SAMTOR: variants seen among roughly 807,000 people sequenced by gnomAD.
SAMTOR encodes S-adenosylmethionine sensor upstream of mTORC1, also known as UPF0532 protein C7orf60.
At chr7:112,854,328 C>T in the SAMTOR span, among the ~76,000 whole-genome samples, 3 of 152,072 alleles carry the variant, frequency 2.0e-5, no homozygotes, top group African/African-American at 7.2e-5. Flanking sequence ...AACAGCTTCT[C>T]CTCTGTGTTT....
chr7:112,880,059 TCTGA>T, the SAMTOR span, among the ~76,000 whole-genome samples: 9 of 152,306 alleles, frequency 5.9e-5, no homozygotes, highest in African/African-American at 1.4e-4. Flanking sequence ...ATGCTGTACC[TCTGA>T]CTAAGGAAAC....
the SAMTOR span, among the ~76,000 whole-genome samples, chr7:112,870,172 T>C: frequency 1.1e-4 from 17 of 152,120 alleles, no homozygotes; most frequent in Middle Eastern, 3.4e-3. Flanking sequence ...GGTAGAGAGG[T>C]TGACATACAG....
the SAMTOR span, among the ~76,000 whole-genome samples, chr7:112,878,597 G>A: frequency 2.0e-5 from 3 of 152,120 alleles, no homozygotes; most frequent in African/African-American, 7.2e-5. Context: ...AATTATCCTG[G>A]TGAAGGGAAT....
At chr7:112,855,055 C>G in the SAMTOR span, among the ~76,000 whole-genome samples, 1 of 152,144 alleles carries the variant, frequency 6.6e-6, no homozygotes, top group Non-Finnish European at 1.5e-5. Context: ...TCAGTAGGTA[C>G]TACTACTCTC....
the SAMTOR span, among the ~76,000 whole-genome samples, chr7:112,890,080 T>C: frequency 2.0e-5 from 3 of 151,868 alleles, no homozygotes; most frequent in Non-Finnish European, 4.4e-5. Context: ...GAGATAGATA[T>C]AGAGGAGTTA....
chr7:112,915,681 T>C, the SAMTOR span, among the ~76,000 whole-genome samples: 1 of 152,228 alleles, frequency 6.6e-6, no homozygotes, highest in Non-Finnish European at 1.5e-5. Context: ...AAGGGATGCA[T>C]CATTTTAATT....
chr7:112,893,944 G>T, the SAMTOR span, among the ~76,000 whole-genome samples: 11 of 152,198 alleles, frequency 7.2e-5, no homozygotes, highest in Non-Finnish European at 1.5e-4. Context: ...CTTTTCCTTT[G>T]AATTCACAAC....
At chr7:112,915,245 A>T in the SAMTOR span, 3 of 1,507,206 alleles carry the variant, frequency 2.0e-6, no homozygotes, top group Non-Finnish European at 2.7e-6. Flanking sequence ...TCAGGAAAAA[A>T]AAAAAAGAAG....
the SAMTOR span, among the ~76,000 whole-genome samples, chr7:112,876,294 T>C: frequency 6.6e-6 from 1 of 152,196 alleles, no homozygotes; most frequent in Non-Finnish European, 1.5e-5. Flanking sequence ...TTTCTGATTT[T>C]TGAACGTGTT....
the SAMTOR span, among the ~76,000 whole-genome samples, chr7:112,926,012 G>A: frequency 6.6e-6 from 1 of 152,116 alleles, no homozygotes; most frequent in Non-Finnish European, 1.5e-5. Flanking sequence ...GGGAGGCCAC[G>A]GCATTTATCT....
At chr7:112,892,882 C>T in the SAMTOR span, among the ~76,000 whole-genome samples, 2 of 152,226 alleles carry the variant, frequency 1.3e-5, no homozygotes, top group South Asian at 2.1e-4. Flanking sequence ...TTCATCTCCT[C>T]GTACATATAT....
At chr7:112,907,506 C>T in the SAMTOR span, among the ~76,000 whole-genome samples, 4 of 151,876 alleles carry the variant, frequency 2.6e-5, no homozygotes, top group South Asian at 8.3e-4. Context: ...CATCTAACTA[C>T]ACAAAAGCAA....
At chr7:112,831,138 A>G in the SAMTOR span, among the ~76,000 whole-genome samples, 1 of 152,224 alleles carries the variant, frequency 6.6e-6, no homozygotes, top group African/African-American at 2.4e-5. Context: ...TCTAATCCAT[A>G]CTTTAAAAAT....
the SAMTOR span, among the ~76,000 whole-genome samples, chr7:112,838,850 C>G: frequency 1.3e-5 from 2 of 151,514 alleles, no homozygotes; most frequent in South Asian, 2.1e-4. Flanking sequence ...AAGAGCTGAG[C>G]AAATAGCAAA....
chr7:112,913,049 A>G, the SAMTOR span, among the ~76,000 whole-genome samples: 1 of 152,168 alleles, frequency 6.6e-6, no homozygotes, highest in African/African-American at 2.4e-5. Flanking sequence ...GTTACAGGGG[A>G]ACTATTTGGT....
chr7:112,939,425 G>A, the SAMTOR span: 2 of 1,060,866 alleles, frequency 1.9e-6, no homozygotes, highest in Non-Finnish European at 2.7e-6. Context: ...GAGCGCGTCT[G>A]ATGCCGACTA....
chr7:112,865,936 C>A, the SAMTOR span, among the ~76,000 whole-genome samples: 83 of 151,262 alleles, frequency 5.5e-4, 3 homozygotes, highest in East Asian at 0.012. Context: ...CCAGCCTGGG[C>A]AACACAGCAA....
At chr7:112,855,511 A>G in the SAMTOR span, among the ~76,000 whole-genome samples, 1 of 152,050 alleles carries the variant, frequency 6.6e-6, no homozygotes, top group African/African-American at 2.4e-5. Flanking sequence ...TTTTTGGCAG[A>G]ATCTAGTTTA....
the SAMTOR span, among the ~76,000 whole-genome samples, chr7:112,874,015 CA>C: frequency 6.6e-6 from 1 of 152,100 alleles, no homozygotes; most frequent in Non-Finnish European, 1.5e-5. Context: ...CGTCTCATAT[CA>C]GTCAGAATGG....
Sources: gnomAD v4.1 joint callset for allele counts (sites outside exome capture counted in the v4.1 genomes callset) on GRCh38, gnomAD v4.1.1 for gene constraint, MANE v1.5 for transcripts, NCBI Gene and HGNC (gene_info 2026-07-23, HGNC 2026-07-21) for gene names.